The following PPM1H variants were observed in gnomAD, a reference collection of about 807,000 sequenced individuals.
The protein encoded by PPM1H is protein phosphatase 1H.
A neutral mutation model predicts 54.9 loss-of-function variants in PPM1H; 27 were observed. That is an observed-to-expected ratio of 0.49 (90% CI 0.36 to 0.68). The LOEUF is 0.68. Ranked by LOEUF, PPM1H falls within the 30% of genes least tolerant of loss-of-function variation. The pLI is 0.00. For synonymous variants in PPM1H, 305 were observed against 270.8 expected, an observed-to-expected ratio of 1.13 and a Z score of -1.24; for missense variants, 596 against 667.8, an observed-to-expected ratio of 0.89 and a Z score of 1.19.
At chr12:62,907,196 C>G (rs930944780) in intron 1 of PPM1H, among the ~76,000 whole-genome samples, 2 of 152,228 alleles carry the variant, frequency 1.3e-5, no homozygotes, top group African/African-American at 2.4e-5. Flanking sequence ...GACATGCAAT[C>G]TAAATGCTCA....
At chr12:62,870,248 G>A (rs1012678575) in intron 1 of PPM1H, among the ~76,000 whole-genome samples, 1 of 152,126 alleles carries the variant, frequency 6.6e-6, no homozygotes, top group Non-Finnish European at 1.5e-5. Context: ...ATCTAATCTT[G>A]GACTCGAATT....
chr12:62,655,386 A>C (rs1476938302), intron 9 of PPM1H, among the ~76,000 whole-genome samples: 1 of 152,206 alleles, frequency 6.6e-6, no homozygotes, highest in Non-Finnish European at 1.5e-5. Flanking sequence ...CTTTCTCTGA[A>C]GGAAAAGAAC....
intron 1 of PPM1H, among the ~76,000 whole-genome samples, chr12:62,887,705 G>A (rs1870641218): frequency 6.6e-6 from 1 of 152,164 alleles, no homozygotes; most frequent in Admixed American, 6.5e-5. Flanking sequence ...AAGACAAGGA[G>A]GAAGATACGA....
chr12:62,650,569 C>T (rs2075810027), intron 9 of PPM1H, among the ~76,000 whole-genome samples: 1 of 152,198 alleles, frequency 6.6e-6, no homozygotes, highest in Non-Finnish European at 1.5e-5. Flanking sequence ...CATTCTCACA[C>T]TGCTATGAAG....
chr12:62,813,251 T>A (rs2076845930), intron 2 of PPM1H, among the ~76,000 whole-genome samples: 1 of 152,214 alleles, frequency 6.6e-6, no homozygotes, highest in Non-Finnish European at 1.5e-5. Flanking sequence ...TTGCCTTCCT[T>A]TACTCACTGC....
chr12:62,867,324 T>C (rs146769666), intron 1 of PPM1H, among the ~76,000 whole-genome samples: 119 of 152,268 alleles, frequency 7.8e-4, no homozygotes, highest in Middle Eastern at 3.4e-3. Context: ...TTAGAAGTGC[T>C]GAAAATTCTA....
chr12:62,771,295 G>GACACACACAC lies in PPM1H; in HGVS notation c.869+16921_869+16930dup, dbSNP rs4026219. Among the ~76,000 whole-genome samples, 139 of 131,960 alleles carry GACACACACAC rather than the reference G, an allele frequency of 1.1e-3. 1 individual carries two copies. Among genetic ancestry groups the GACACACACAC allele is most frequent in the South Asian group, 6.7e-3 (26 of 3,868 alleles). The allele number at this position is 131,960 out of a possible 152,430, so 86.6% of individuals were successfully genotyped here. On this transcript the variant is annotated intron_variant, in intron 4 of 9. Transcript: ENST00000228705. ...AAATTATCATTATAAACTTTGTGAA[G>GACACACACAC]ACACACACACACACACACACACACA...
At chr12:62,687,603 T>G (rs1308677241) in intron 8 of PPM1H, among the ~76,000 whole-genome samples, 14 of 152,022 alleles carry the variant, frequency 9.2e-5, no homozygotes. Flanking sequence ...AAGTTTCTGT[T>G]TCCTCTGACC....
chr12:62,688,734 G>A (rs747757710), intron 8 of PPM1H, among the ~76,000 whole-genome samples: 2 of 152,142 alleles, frequency 1.3e-5, no homozygotes, highest in Non-Finnish European at 1.5e-5. Context: ...GGTAGCTCAC[G>A]CCTATAATCT....
chr12:62,800,842 T>C (rs952747848), intron 3 of PPM1H, among the ~76,000 whole-genome samples: 7 of 152,188 alleles, frequency 4.6e-5, no homozygotes, highest in Admixed American at 2.0e-4. Flanking sequence ...GGCTTCTATG[T>C]GCACTCCTGC....
rs557353394 is a variant in PPM1H at position 62,914,158 on chromosome 12, T to C, written c.245+20334A>G. ...AATCTCTCAAGAATGGCTTGGTGCA[T>C]CTTCATGGCAATGAGTGAGTTCTGA... On this transcript the variant is annotated intron_variant, in intron 1 of 9. Transcript: ENST00000228705. Among the ~76,000 whole-genome samples the C allele has an allele frequency of 8.5e-5, 13 of 152,272 alleles. 1 individual carries two copies. The highest frequency in any genetic ancestry group is 8.5e-4 in the Admixed American group (13 of 15,296).
At position 62,667,456 on chromosome 12, in the gene PPM1H, G is replaced by T. The variant is rs563072183; in HGVS notation, c.1246-127C>A. On this transcript the variant is annotated intron_variant, in intron 8 of 9. Transcript: ENST00000228705. Reference sequence around the variant, plus strand: ...GTGGTTTTCAGATATGCATTGTAGGGTACTTGATTATACAGCGAGCTGTGT... The same window carrying T: ...GTGGTTTTCAGATATGCATTGTAGGTTACTTGATTATACAGCGAGCTGTGT... The T allele has an allele frequency of 1.2e-5, 10 of 837,110 alleles. No individual in the cohort carries two copies. In the Admixed American group the frequency reaches 2.4e-4, roughly 20 times the overall value. 51.9% of individuals were successfully genotyped at this position (837,110 alleles called of 1,614,324 possible). A position where few individuals can be genotyped will look rare whatever the true frequency, so the allele number is the denominator to read the frequency against.
chr12:62,807,386 C>T (rs1232682848), intron 2 of PPM1H, among the ~76,000 whole-genome samples: 2 of 152,146 alleles, frequency 1.3e-5, no homozygotes, highest in Non-Finnish European at 2.9e-5. Flanking sequence ...CATTCAGTCA[C>T]ATTCAGGCCA....
At chr12:62,799,635 C>T (rs976287992) in intron 3 of PPM1H, among the ~76,000 whole-genome samples, 3 of 152,168 alleles carry the variant, frequency 2.0e-5, no homozygotes, top group African/African-American at 7.2e-5. Context: ...TACCTTAATT[C>T]CCTTTTTCCT....
intron 1 of PPM1H, among the ~76,000 whole-genome samples, chr12:62,861,056 T>A (rs1869584287): frequency 6.6e-6 from 1 of 152,200 alleles, no homozygotes; most frequent in Non-Finnish European, 1.5e-5. Context: ...GGCAACAAAA[T>A]GTAATACGAG....
At chr12:62,872,550 C>T (rs1215586215) in intron 1 of PPM1H, among the ~76,000 whole-genome samples, 3 of 152,198 alleles carry the variant, frequency 2.0e-5, no homozygotes, top group African/African-American at 7.2e-5. Flanking sequence ...GCTAGAGGCA[C>T]ATTTTCTAGC....
chr12:62,733,586 A>G (rs1273428117), intron 5 of PPM1H, among the ~76,000 whole-genome samples: 1 of 152,056 alleles, frequency 6.6e-6, no homozygotes, highest in Non-Finnish European at 1.5e-5. Flanking sequence ...TACACTATTA[A>G]TCTCTAATTC....
chr12:62,689,871 G>A, intron 7 of PPM1H, 65 bp from the exon 8 acceptor site: 1 of 1,131,050 alleles, frequency 8.8e-7, no homozygotes. Context: ...TTCCAGTGCA[G>A]CTGCCTGGGC....
intron 2 of PPM1H, among the ~76,000 whole-genome samples, chr12:62,804,351 C>CAAAAAAAAAAAAAAAAAAAAAA (rs371143962): frequency 7.3e-6 from 1 of 137,672 alleles, no homozygotes; most frequent in Non-Finnish European, 1.5e-5. Context: ...GACCCTGTCT[C>CAAAAAAAAAAAAAAAAAAAAAA]AAAAAAAAAA....
Sources: gnomAD v4.1 joint callset for allele counts (sites outside exome capture counted in the v4.1 genomes callset) on GRCh38, gnomAD v4.1.1 for gene constraint, MANE v1.5 for transcripts, NCBI Gene and HGNC (gene_info 2026-07-23, HGNC 2026-07-21) for gene names.